PARD3B: variants seen among roughly 807,000 people sequenced by gnomAD.
PARD3B encodes partitioning defective 3 homolog B.
Under a neutral mutation model 130.2 loss-of-function variants are expected in PARD3B, and 103 were observed. That is an observed-to-expected ratio of 0.79 (90% CI 0.67 to 0.93). The LOEUF (loss-of-function observed/expected upper bound fraction) is 0.93, where lower values mean the gene tolerates loss of function less well. Among genes scored for constraint, PARD3B ranks in the 40% least tolerant of loss-of-function variants. The pLI is 0.00. For missense variants in PARD3B, 1,609 were observed against 1,499.2 expected, an observed-to-expected ratio of 1.07 and a Z score of -1.21; for synonymous variants, 583 against 553.2, an observed-to-expected ratio of 1.05 and a Z score of -0.76.
chr2:205,244,672 C>T lies in PARD3B; in HGVS notation c.2141-1106C>T, dbSNP rs1178354757. On this transcript the variant is annotated intron_variant, in intron 15 of 22. Coordinates refer to ENST00000406610, the MANE Select transcript of PARD3B (RefSeq NM_001302769.2). This position sits in a 1 kb window ranked among gnomAD's most constrained non-coding sequence, Gnocchi z 4.7. The stretch of plus-strand genomic sequence containing the variant: ...TTTGTGGGAAAGTTTTACTTATAAA[C>T]ACATTTTTTTTTTCAAAAAACTACT... 6.6e-6 allele frequency among the ~76,000 whole-genome samples: 1 copy of T among 151,960 alleles called. No individual in the cohort carries two copies. The highest frequency in any genetic ancestry group is 1.9e-4 in the East Asian group (1 of 5,168).
Position 205,550,951 on chromosome 2 carries a change from A to ATG in PARD3B, c.3181-2369_3181-2368dup, listed in dbSNP as rs369139099. Among the ~76,000 whole-genome samples, 15,408 of 76,446 alleles carry ATG rather than the reference A, an allele frequency of 0.2. 1,076 individuals are homozygous for ATG. The highest frequency in any genetic ancestry group is 0.24 in the Non-Finnish European group (8,234 of 34,198). The allele number at this position is 76,446 out of a possible 152,430, so 50.2% of individuals were successfully genotyped here. On this transcript the variant is annotated intron_variant, in intron 21 of 22. Coordinates refer to ENST00000406610, the MANE Select transcript of PARD3B (RefSeq NM_001302769.2). This position sits in a 1 kb window ranked among gnomAD's most constrained non-coding sequence, Gnocchi z 4.5. ...TGTGTGTGTGTGTGTGTATATATAT[A>ATG]TGTGTATATATATATATATATATAT...
intron 3 of PARD3B, among the ~76,000 whole-genome samples, chr2:204,966,669 A>AG (rs1256117016): frequency 1.3e-5 from 2 of 152,134 alleles, no homozygotes; most frequent in East Asian, 3.8e-4. Context: ...GAGCTTTGTC[A>AG]GGGAAAAAAG....
intron 19 of PARD3B, among the ~76,000 whole-genome samples, chr2:205,432,909 A>T (rs1415764049): frequency 6.6e-6 from 1 of 152,194 alleles, no homozygotes; most frequent in Non-Finnish European, 1.5e-5. Flanking sequence ...GATGTTGACA[A>T]TACAAATCAT....
intron 2 of PARD3B, among the ~76,000 whole-genome samples, chr2:204,699,324 A>G (rs1254113881): frequency 2.6e-5 from 4 of 152,130 alleles, no homozygotes; most frequent in African/African-American, 4.8e-5. Context: ...GATATATTCA[A>G]TGTACTTCAT....
At chr2:204,613,395 T>G (rs2125118982) in intron 1 of PARD3B, among the ~76,000 whole-genome samples, 1 of 152,226 alleles carries the variant, frequency 6.6e-6, no homozygotes, top group East Asian at 1.9e-4. Flanking sequence ...TGTCTGTGGG[T>G]TTTTAAACCA....
chr2:205,160,319 A>G lies in PARD3B; in HGVS notation c.1620+1412A>G, dbSNP rs1212325936. Among the ~76,000 whole-genome samples the G allele has an allele frequency of 6.6e-6, 1 of 152,138 alleles. No individual in the cohort carries two copies. The highest frequency in any genetic ancestry group is 1.5e-5 in the Non-Finnish European group (1 of 68,030). On this transcript the variant is annotated intron_variant, in intron 11 of 22. Coordinates refer to ENST00000406610, the MANE Select transcript of PARD3B (RefSeq NM_001302769.2). This position sits in a 1 kb window ranked among gnomAD's most constrained non-coding sequence, Gnocchi z 4.0. ...GGCTGGTGTCTCTTGATCCCACTGT[A>G]ACTCTGCAGATCTGAGTGTGCTGCA...
intron 21 of PARD3B, among the ~76,000 whole-genome samples, chr2:205,523,834 T>G (rs937464106): frequency 4.3e-4 from 55 of 126,738 alleles, no homozygotes; most frequent in African/African-American, 1.6e-3. Flanking sequence ...TTTTTTTTTT[T>G]GAGTAATTTT....
At chr2:205,465,933 G>T (rs754953079) in intron 20 of PARD3B, among the ~76,000 whole-genome samples, 1 of 152,220 alleles carries the variant, frequency 6.6e-6, no homozygotes, top group Non-Finnish European at 1.5e-5. Context: ...CAGAGTGAGA[G>T]GCAGGAGGTG....
At chr2:204,747,005 G>T (rs1040565028) in intron 2 of PARD3B, among the ~76,000 whole-genome samples, 14 of 152,030 alleles carry the variant, frequency 9.2e-5, no homozygotes, top group South Asian at 4.1e-4. Context: ...GTCAATTTTG[G>T]CTTTTGTTGC....
intron 1 of PARD3B, among the ~76,000 whole-genome samples, chr2:204,644,746 T>C (rs1300176679): frequency 6.6e-6 from 1 of 152,170 alleles, no homozygotes; most frequent in African/African-American, 2.4e-5. Context: ...TAGAATACAC[T>C]GAATCCCAAA....
At chr2:205,385,466 G>A (rs1025029983) in intron 18 of PARD3B, among the ~76,000 whole-genome samples, 8 of 152,042 alleles carry the variant, frequency 5.3e-5, no homozygotes, top group Admixed American at 2.0e-4. Flanking sequence ...TTCCAGCTTC[G>A]TTAATTTATA....
chr2:204,787,123 C>T (rs929211090), intron 2 of PARD3B, among the ~76,000 whole-genome samples: 1 of 150,450 alleles, frequency 6.6e-6, no homozygotes, highest in Admixed American at 6.7e-5. Flanking sequence ...TTTTTGAATC[C>T]CCTTCATGTG....
At chr2:205,024,162 C>CTTTTTTTTTTTTTTTT (rs1172893472) in intron 3 of PARD3B, among the ~76,000 whole-genome samples, 2 of 98,744 alleles carry the variant, frequency 2.0e-5, no homozygotes, top group African/African-American at 3.9e-5. Flanking sequence ...TTCTTTCTTT[C>CTTTTTTTTTTTTTTTT]TTTTTTTTTT....
chr2:204,679,792 TGTG>T (rs1435417690), intron 1 of PARD3B, among the ~76,000 whole-genome samples: 3 of 152,020 alleles, frequency 2.0e-5, no homozygotes, highest in South Asian at 2.1e-4. Flanking sequence ...CTGCATCCAT[TGTG>T]GTGATCATTT....
chr2:204,801,313 C>G (rs146378449), intron 2 of PARD3B, among the ~76,000 whole-genome samples: 1 of 152,162 alleles, frequency 6.6e-6, no homozygotes, highest in African/African-American at 2.4e-5. Context: ...GCAGTATGGC[C>G]ATTTTCACAG....
chr2:205,424,628 G>T (rs949919000), intron 19 of PARD3B, among the ~76,000 whole-genome samples: 4 of 152,008 alleles, frequency 2.6e-5, no homozygotes, highest in African/African-American at 9.7e-5. Flanking sequence ...AGAAAAGAAA[G>T]GTTTAAAGGG....
intron 4 of PARD3B, among the ~76,000 whole-genome samples, chr2:205,074,628 T>G (rs1575709084): frequency 6.6e-6 from 1 of 152,134 alleles, no homozygotes; most frequent in Admixed American, 6.6e-5. Flanking sequence ...ATCAAAGAGG[T>G]TTATTAAAAC....
At chr2:204,983,788 C>G (rs1692890614) in intron 3 of PARD3B, among the ~76,000 whole-genome samples, 1 of 152,182 alleles carries the variant, frequency 6.6e-6, no homozygotes, top group Non-Finnish European at 1.5e-5. Flanking sequence ...TGTAAAATAA[C>G]TCTTTTAAGC....
rs1450868622 is a variant in PARD3B at position 205,061,865 on chromosome 2, C to T, written c.504+14175C>T. Reference sequence around the variant, plus strand: ...ATTGGAACTACATCAATGAACCCAGCCCTGGCTTTCTTCTCTTGATATGAA... The same window carrying T: ...ATTGGAACTACATCAATGAACCCAGTCCTGGCTTTCTTCTCTTGATATGAA... On this transcript the variant is annotated intron_variant, in intron 4 of 22. Coordinates refer to ENST00000406610, the MANE Select transcript of PARD3B (RefSeq NM_001302769.2). 2.0e-5 allele frequency among the ~76,000 whole-genome samples: 3 copies of T among 151,730 alleles called. No homozygotes were observed. In the East Asian group the frequency reaches 5.8e-4, roughly 29 times the overall value.
Sources: allele counts gnomAD v4.1 joint callset (sites outside exome capture counted in the v4.1 genomes callset), GRCh38; gene constraint gnomAD v4.1.1; non-coding constraint Gnocchi (gnomAD v3.1); transcripts MANE v1.5; gene names NCBI Gene and HGNC (gene_info 2026-07-23, HGNC 2026-07-21).